Variants in MYO16 observed in about 807,000 individuals in gnomAD.
MYO16 encodes myosin XVI.
MYO16 carries 94 observed loss-of-function variants against 205.3 expected under a neutral mutation model. The ratio of observed to expected loss-of-function variants is 0.46; its 90% CI spans 0.39 to 0.54. The LOEUF (loss-of-function observed/expected upper bound fraction) is 0.54, where lower values mean the gene tolerates loss of function less well. Ranked by LOEUF, MYO16 falls within the 20% of genes least tolerant of loss-of-function variation. The pLI is 0.00. For missense variants in MYO16, 2,315 were observed against 2,387.5 expected, an observed-to-expected ratio of 0.97 and a Z score of 0.63; for synonymous variants, 988 against 954.0, an observed-to-expected ratio of 1.04 and a Z score of -0.66.
intron 32 of MYO16, among the ~76,000 whole-genome samples, chr13:109,151,176 C>T (rs1000232473): frequency 2.0e-5 from 3 of 152,152 alleles, no homozygotes; most frequent in African/African-American, 7.2e-5. Context: ...AAATTTCACG[C>T]CATCGAGAGT....
intron 3 of MYO16, among the ~76,000 whole-genome samples, chr13:108,713,348 G>A (rs911037207): frequency 2.6e-5 from 4 of 152,274 alleles, no homozygotes; most frequent in African/African-American, 9.6e-5. Context: ...AGAAATTAAT[G>A]TAAGATATCA....
At chr13:108,940,059 T>C (rs1489681209) in intron 16 of MYO16, among the ~76,000 whole-genome samples, 1 of 152,222 alleles carries the variant, frequency 6.6e-6, no homozygotes, top group East Asian at 1.9e-4. Flanking sequence ...TACATTACCA[T>C]GGTAAAATAA....
chr13:109,140,232 G>T lies in MYO16; in HGVS notation c.4052-32G>T. 1 of 1,594,956 alleles carries T rather than the reference G, an allele frequency of 6.3e-7. No homozygotes were observed. Among genetic ancestry groups the T allele is most frequent in the South Asian group, 1.1e-5 (1 of 90,820 alleles). ...GGTGGGCACCCGTGGGCCTGGCCTGGCACCCACTGACCGCGTCCTTTCCTG... is the reference window on the plus strand; with the variant it reads ...GGTGGGCACCCGTGGGCCTGGCCTGTCACCCACTGACCGCGTCCTTTCCTG... On this transcript the variant is annotated intron_variant, in intron 31 of 34. Transcript: ENST00000457511. This position sits in a 1 kb window ranked among gnomAD's most constrained non-coding sequence, Gnocchi z 8.0.
At chr13:108,540,237 T>A in the MYO16 span, among the ~76,000 whole-genome samples, 3 of 152,178 alleles carry the variant, frequency 2.0e-5, no homozygotes, top group African/African-American at 7.2e-5. Context: ...ATTCATGCCA[T>A]GAGCAATGTA....
intron 1 of MYO16, among the ~76,000 whole-genome samples, chr13:108,636,362 TTTTTTTTTGTGTGTGTGTG>T (rs1408186770): frequency 1.1e-5 from 1 of 89,938 alleles, no homozygotes; most frequent in Non-Finnish European, 2.2e-5. Flanking sequence ...TTTTTTTTTT[TTTTTTTTTGTGTGTGTGTG>T]TGTGTGTGTG....
chr13:108,599,004 C>A (rs1315461239), intron 1 of MYO16, among the ~76,000 whole-genome samples: 4 of 121,268 alleles, frequency 3.3e-5, no homozygotes, highest in Non-Finnish European at 5.1e-5. Context: ...CCCCTCCCCC[C>A]ACCCCATCCC....
chr13:108,757,536 A>T (rs573162495), intron 4 of MYO16, among the ~76,000 whole-genome samples: 28 of 152,142 alleles, frequency 1.8e-4, no homozygotes, highest in African/African-American at 6.5e-4. Context: ...CGTGCAGGTT[A>T]GTTACATATG....
intron 2 of MYO16, among the ~76,000 whole-genome samples, chr13:108,692,691 A>G (rs550897683): frequency 3.3e-5 from 5 of 152,328 alleles, no homozygotes; most frequent in African/African-American, 1.2e-4. Flanking sequence ...ACAGTTATGA[A>G]TGCTTAATGG....
At chr13:108,658,611 T>C (rs1881349887) in intron 1 of MYO16, among the ~76,000 whole-genome samples, 1 of 152,172 alleles carries the variant, frequency 6.6e-6, no homozygotes, top group Non-Finnish European at 1.5e-5. Context: ...TGGTTAATTC[T>C]AAAAATGTAT....
At position 108,678,747 on chromosome 13, in the gene MYO16, A is replaced by G. The variant is rs1882334628; in HGVS notation, c.292+12598A>G. Among the ~76,000 whole-genome samples, 3 of 152,026 alleles carry G rather than the reference A, an allele frequency of 2.0e-5. No individual in the cohort carries two copies. In the South Asian group the frequency reaches 6.2e-4, roughly 31 times the overall value. On this transcript the variant is annotated intron_variant, in intron 2 of 34. Transcript: ENST00000457511. ...ACTGATCCTTCCTTCTCAGTCTCCC[A>G]TGCAGGTTACTCTTCCCCTCTGCAA...
At chr13:108,767,983 A>G (rs1289602721) in intron 4 of MYO16, among the ~76,000 whole-genome samples, 1 of 152,152 alleles carries the variant, frequency 6.6e-6, no homozygotes, top group African/African-American at 2.4e-5. Context: ...GCTTATACTG[A>G]CCATTTACTG....
intron 2 of MYO16, among the ~76,000 whole-genome samples, chr13:108,672,891 C>A (rs7331736): frequency 1.3e-5 from 2 of 152,066 alleles, no homozygotes; most frequent in Non-Finnish European, 2.9e-5. Flanking sequence ...AATATTGCTT[C>A]GTACTAATTA....
At chr13:109,161,134 A>G (rs1878361967) in intron 32 of MYO16, among the ~76,000 whole-genome samples, 1 of 152,208 alleles carries the variant, frequency 6.6e-6, no homozygotes, top group Admixed American at 6.5e-5. Flanking sequence ...GGCTACTACA[A>G]GCAGAGGAGA....
chr13:109,013,111 C>G (rs1885667812), intron 22 of MYO16, among the ~76,000 whole-genome samples: 2 of 32,590 alleles, frequency 6.1e-5, no homozygotes, highest in South Asian at 5.3e-3. Flanking sequence ...CTACCCCTCC[C>G]CCACCCCCCC....
chr13:109,077,990 GA>G (rs1312585515), intron 27 of MYO16, among the ~76,000 whole-genome samples: 3 of 151,958 alleles, frequency 2.0e-5, no homozygotes, highest in African/African-American at 7.3e-5. Flanking sequence ...GTTCATTTGG[GA>G]GTAGTTTCTA....
intron 11 of MYO16, among the ~76,000 whole-genome samples, chr13:108,857,967 TA>T (rs1444555986): frequency 1.3e-5 from 2 of 152,214 alleles, no homozygotes; most frequent in African/African-American, 4.8e-5. Flanking sequence ...ATTCCTAAAA[TA>T]CAGAAAAGCT....
intron 16 of MYO16, among the ~76,000 whole-genome samples, chr13:108,927,527 C>A (rs192676859): frequency 3.3e-5 from 5 of 152,270 alleles, no homozygotes; most frequent in South Asian, 2.1e-4. Context: ...TCCCAGAACA[C>A]CCAAAGACAT....
intron 27 of MYO16, among the ~76,000 whole-genome samples, chr13:109,099,772 A>G (rs1222159104): frequency 6.6e-6 from 1 of 152,172 alleles, no homozygotes; most frequent in Admixed American, 6.5e-5. Flanking sequence ...TACTCCCACT[A>G]CTTGCTCTGA....
rs1358794533 is a variant in MYO16 at position 109,141,993 on chromosome 13, A to G, written c.5164+617A>G. 1.3e-5 allele frequency among the ~76,000 whole-genome samples: 2 copies of G among 152,224 alleles called. No homozygotes were observed. The highest frequency in any genetic ancestry group is 4.8e-5 in the African/African-American group (2 of 41,460). On this transcript the variant is annotated intron_variant, in intron 32 of 34. Transcript: ENST00000457511. The surrounding 1 kb of genome is among the most constrained non-coding windows in gnomAD (Gnocchi z 4.1). Reference sequence around the variant, plus strand: ...TTTCTCATCCAGCGACTCAGCCCACAGTGGGGTTTGCAGGTGGAAATCAGT... The same window carrying G: ...TTTCTCATCCAGCGACTCAGCCCACGGTGGGGTTTGCAGGTGGAAATCAGT...
Sources: allele counts gnomAD v4.1 joint callset (sites outside exome capture counted in the v4.1 genomes callset), GRCh38; gene constraint gnomAD v4.1.1; non-coding constraint Gnocchi (gnomAD v3.1); transcripts MANE v1.5; gene names NCBI Gene and HGNC (gene_info 2026-07-23, HGNC 2026-07-21).